Variants in AKR1C2 observed in about 807,000 individuals in gnomAD.
The protein encoded by AKR1C2 is aldo-keto reductase family 1 member C2, also known as 3-alpha-HSD3.
AKR1C2 carries 27 observed loss-of-function variants against 39.8 expected under a neutral mutation model. The observed-to-expected ratio is 0.68, with a 90% CI of 0.50 to 0.93. The LOEUF is 0.93. Ranked by LOEUF, AKR1C2 falls within the 40% of genes least tolerant of loss-of-function variation. The pLI is 0.00. For synonymous variants in AKR1C2, 114 were observed against 137.9 expected (o/e 0.83, Z 1.22); for missense variants, 263 against 365.1 (o/e 0.72, Z 2.28).
chr10:5,012,606 G>A (rs1282954297), intron 1 of AKR1C2, among the ~76,000 whole-genome samples: 2 of 152,022 alleles, frequency 1.3e-5, no homozygotes, highest in Non-Finnish European at 2.9e-5. Context: ...GCCCAGAATA[G>A]CATTTTCCCC....
upstream of AKR1C2, among the ~76,000 whole-genome samples, chr10:5,005,025 A>G (rs1468322238): frequency 6.6e-6 from 1 of 150,854 alleles, no homozygotes; most frequent in African/African-American, 2.4e-5. Flanking sequence ...AAACTTATTT[A>G]TTTCTGGAGT....
chr10:5,015,082 T>A (rs1206858189), intron 1 of AKR1C2: 2 of 152,234 alleles, frequency 1.3e-5, no homozygotes, highest in African/African-American at 4.8e-5. Context: ...GTCTCCACCC[T>A]GGAGGGCTGT....
chr10:5,011,935 A>G (rs1270640326), intron 1 of AKR1C2, among the ~76,000 whole-genome samples: 29 of 152,354 alleles, frequency 1.9e-4, no homozygotes, highest in South Asian at 4.1e-4. Context: ...ACATGGAAGT[A>G]GTTGCCTGAA....
At chr10:4,995,630 G>C (rs1373979383) in intron 6 of AKR1C2, 126 bp downstream of exon 6, 110 of 1,312,600 alleles carry the variant, frequency 8.4e-5, no homozygotes, top group Non-Finnish European at 1.1e-4. Flanking sequence ...CTGGGATCTC[G>C]TCAGAAATGC....
chr10:5,013,138 C>G (rs1421589771), intron 1 of AKR1C2, among the ~76,000 whole-genome samples: 1 of 152,144 alleles, frequency 6.6e-6, no homozygotes, highest in Non-Finnish European at 1.5e-5. Context: ...AACAAACCAC[C>G]ATGGCATGAG....
In AKR1C2 at chr10:4,988,678, G is replaced by C. The variant is rs1431149517; in HGVS notation, c.*1318C>G. ...TCTGATGGGGTTAACATGGCTACCA[G>C]AGTACGAATAGTGGAGAGTAAATGT... On this transcript the variant is annotated 3_prime_UTR_variant, in exon 9 of 9. Coordinates refer to ENST00000380753, the MANE Select transcript of AKR1C2 (RefSeq NM_001393392.1). 2.6e-5 allele frequency: 4 copies of C among 152,074 alleles called. No individual in the cohort carries two copies. Among genetic ancestry groups the C allele is most frequent in the Non-Finnish European group, 5.9e-5 (4 of 68,016 alleles). 9.4% of individuals were successfully genotyped at this position (152,074 alleles called of 1,614,324 possible).
chr10:5,013,247 TTAATTC>T (rs368511243), intron 1 of AKR1C2: 8 of 151,962 alleles, frequency 5.3e-5, no homozygotes, highest in African/African-American at 1.9e-4. Context: ...ATTACATTAT[TTAATTC>T]TAATTCTGAA....
At chr10:5,007,417 G>C (rs1255755066), upstream of AKR1C2, 1 of 151,996 alleles carries the variant, frequency 6.6e-6, no homozygotes, top group Non-Finnish European at 1.5e-5. Context: ...CTGTGGAAAA[G>C]AAGTTTCTGT....
At chr10:4,999,317 A>G (rs528062443) in intron 3 of AKR1C2, 40 bp from the exon 4 acceptor site, 5 of 1,504,842 alleles carry the variant, frequency 3.3e-6, no homozygotes, top group Middle Eastern at 1.8e-4. Context: ...TCACAAGTCA[A>G]TTTCTCCACA....
intron 2 of AKR1C2, 57 bp downstream of exon 2, chr10:5,001,457 A>G: frequency 6.4e-7 from 1 of 1,566,204 alleles, no homozygotes. Context: ...TAGAACTGCC[A>G]CCTCCACACA....
At chr10:5,009,264 C>T (rs1167884549) in intron 1 of AKR1C2, among the ~76,000 whole-genome samples, 4 of 152,194 alleles carry the variant, frequency 2.6e-5, no homozygotes, top group Non-Finnish European at 5.9e-5. Context: ...GAAGAAACAA[C>T]TGTGTCACCA....
intron 5 of AKR1C2, among the ~76,000 whole-genome samples, chr10:4,997,543 C>A (rs1206397145): frequency 2.0e-5 from 3 of 151,790 alleles, no homozygotes; most frequent in African/African-American, 7.3e-5. Context: ...TGTATTTATG[C>A]AGATATACTC....
At chr10:4,992,779 G>A (rs376091165) in intron 7 of AKR1C2, among the ~76,000 whole-genome samples, 49 of 152,228 alleles carry the variant, frequency 3.2e-4, no homozygotes, top group South Asian at 2.5e-3. Context: ...AGTGAAACCC[G>A]TCTCTACTAA....
chr10:4,993,030 G>T (rs1554772435), intron 7 of AKR1C2, among the ~76,000 whole-genome samples: 1 of 152,104 alleles, frequency 6.6e-6, no homozygotes, highest in Non-Finnish European at 1.5e-5. Flanking sequence ...ATAAGTAGTG[G>T]GATATTCATA....
In AKR1C2 at chr10:4,998,764, G is replaced by T. The variant is rs1554773457; in HGVS notation, c.448-17C>A. 1.2e-6 allele frequency: 2 copies of T among 1,613,940 alleles called. No homozygotes were observed. The highest frequency in any genetic ancestry group is 4.5e-5 in the East Asian group (2 of 44,870). On this transcript the variant is annotated splice_polypyrimidine_tract_variant and intron_variant, in intron 4 of 8. Transcript: ENST00000380753. ...CTCCATGGCCTGGGAAAAAGGAATT[G>T]TGAGGTATCATTTGTGTAGTCGACT...
intron 1 of AKR1C2, among the ~76,000 whole-genome samples, chr10:5,016,747 C>T (rs1554775378): frequency 6.6e-6 from 1 of 152,208 alleles, no homozygotes; most frequent in Non-Finnish European, 1.5e-5. Flanking sequence ...CCCACATTCC[C>T]CCTCCACACT....
chr10:4,994,154 G>A (rs2518039), intron 7 of AKR1C2, among the ~76,000 whole-genome samples: 79,389 of 151,212 alleles, frequency 0.53, 21,632 homozygotes, highest in East Asian at 0.94. Flanking sequence ...TATATCATAC[G>A]TGATGTATAT....
At chr10:4,999,541 T>C (rs1837185764) in intron 3 of AKR1C2, 1 of 443,228 alleles carries the variant, frequency 2.3e-6, no homozygotes, top group Non-Finnish European at 4.0e-6. Flanking sequence ...TTGACTTTCA[T>C]TGACTTTCTT....
At chr10:5,007,919 AG>A (rs1837437928), upstream of AKR1C2, among the ~76,000 whole-genome samples, 1 of 151,168 alleles carries the variant, frequency 6.6e-6, no homozygotes. Flanking sequence ...CCGACAGGGC[AG>A]AAATTAAATC....
Sources: gnomAD v4.1 joint callset for allele counts (sites outside exome capture counted in the v4.1 genomes callset) on GRCh38, gnomAD v4.1.1 for gene constraint, MANE v1.5 for transcripts, NCBI Gene and HGNC (gene_info 2026-07-23, HGNC 2026-07-21) for gene names.